SOD2: variants seen among roughly 807,000 people sequenced by gnomAD.
The protein encoded by SOD2 is superoxide dismutase 2.
In SOD2, 11 loss-of-function variants were observed where a neutral mutation model predicts 27.0. The observed-to-expected ratio is 0.41, with a 90% CI of 0.26 to 0.67. SOD2 has a LOEUF of 0.67. SOD2 is among the 30% of genes least tolerant of loss of function. The pLI is 0.34. For missense variants in SOD2, 250 were observed against 274.5 expected, an observed-to-expected ratio of 0.91 and a Z score of 0.63; for synonymous variants, 105 against 103.0, an observed-to-expected ratio of 1.02 and a Z score of -0.12.
At chr6:159,688,369 C>G in intron 2 of SOD2, 127 bp from the exon 3 acceptor site, 1 of 643,370 alleles carries the variant, frequency 1.6e-6, no homozygotes, top group Non-Finnish European at 2.7e-6. Flanking sequence ...TCCGTTTGTC[C>G]TAAAATTCAG....
At chr6:159,754,850 AAAAC>A (rs1779947016) in intron 1 of SOD2, among the ~76,000 whole-genome samples, 1 of 152,196 alleles carries the variant, frequency 6.6e-6, no homozygotes, top group African/African-American at 2.4e-5. Flanking sequence ...GACTTCCCCC[AAAAC>A]AAACTCAGTC....
chr6:159,716,408 A>G (rs1777922030), intron 1 of SOD2, among the ~76,000 whole-genome samples: 7 of 152,150 alleles, frequency 4.6e-5, no homozygotes, highest in Admixed American at 4.6e-4. Flanking sequence ...CTATAGGTGC[A>G]AGCAGCACAG....
At chr6:159,704,546 A>G (rs1777585592) in intron 1 of SOD2, among the ~76,000 whole-genome samples, 2 of 152,208 alleles carry the variant, frequency 1.3e-5, no homozygotes, top group African/African-American at 4.8e-5. Context: ...GCAGCCTGAG[A>G]TCGAACTCCA....
intron 1 of SOD2, among the ~76,000 whole-genome samples, chr6:159,724,807 G>A (rs1487483754): frequency 6.8e-6 from 1 of 147,982 alleles, no homozygotes. Flanking sequence ...AGCCATGATC[G>A]TACCACTGCA....
upstream of SOD2, chr6:159,693,390 T>G (rs1221399085): frequency 6.1e-6 from 1 of 163,268 alleles, no homozygotes; most frequent in Admixed American, 6.9e-5. Flanking sequence ...GTGCCCTGCG[T>G]GCCTGTCCCG....
chr6:159,697,638 C>T (rs549323935), upstream of SOD2, among the ~76,000 whole-genome samples: 31 of 152,302 alleles, frequency 2.0e-4, no homozygotes, highest in African/African-American at 6.5e-4. Context: ...GAGTTGATTA[C>T]GTCCATAAAG....
exon 1 of SOD2, chr6:159,762,266 G>C: frequency 1.5e-6 from 2 of 1,326,434 alleles, no homozygotes; most frequent in Non-Finnish European, 1.0e-6. Flanking sequence ...AAGCCGCGAG[G>C]AGCCGCGGGA....
At chr6:159,754,628 T>A (rs1779936869) in intron 1 of SOD2, among the ~76,000 whole-genome samples, 1 of 152,202 alleles carries the variant, frequency 6.6e-6, no homozygotes, top group Non-Finnish European at 1.5e-5. Flanking sequence ...ATCTTCCCCT[T>A]TGAGCCATCT....
intron 1 of SOD2, among the ~76,000 whole-genome samples, chr6:159,702,850 G>GAAA (rs35570449): frequency 3.3e-5 from 1 of 30,676 alleles, no homozygotes; most frequent in African/African-American, 1.1e-4. Flanking sequence ...ACCCTATCTC[G>GAAA]AAAAAAAAAA....
chr6:159,713,626 T>C, intron 1 of SOD2: 3 of 1,026,830 alleles, frequency 2.9e-6, no homozygotes, highest in Non-Finnish European at 4.6e-6. Context: ...AATCTCTTCC[T>C]TGGACAGCCA....
chr6:159,692,754 G>C lies in SOD2; in HGVS notation c.133C>G (p.Gln45Glu), dbSNP rs1405009060. 1 of 1,614,140 alleles carries C rather than the reference G, an allele frequency of 6.2e-7. No homozygotes were observed. The highest frequency in any genetic ancestry group is 8.5e-7 in the Non-Finnish European group (1 of 1,180,030). The stretch of plus-strand genomic sequence containing the variant: ...TTGCTGTGGTGCAGCTGCATGATCT[G>C]CGCGTTGATGTGAGGTTCCAGGGCG... The part of the protein sequence containing the change: ...YGALEPHINA[Q>E]IMQLHHSKHH... Residue 45 changes from glutamine to glutamate, a missense_variant, in exon 2 of 5, where the codon CAG becomes GAG. Coordinates refer to ENST00000538183, the MANE Select transcript of SOD2 (RefSeq NM_000636.4).
At chr6:159,688,905 T>C (rs1472745298) in intron 2 of SOD2, among the ~76,000 whole-genome samples, 1 of 151,464 alleles carries the variant, frequency 6.6e-6, no homozygotes, top group African/African-American at 2.4e-5. Context: ...AAGAAAAAAA[T>C]AAAACACAAG....
upstream of SOD2, among the ~76,000 whole-genome samples, chr6:159,697,382 T>C (rs1777442835): frequency 6.6e-6 from 1 of 152,124 alleles, no homozygotes; most frequent in African/African-American, 2.4e-5. Flanking sequence ...GTATTGTTAA[T>C]AGGACCAAAA....
At chr6:159,761,497 A>G (rs1011764549) in exon 1 of SOD2, 1 of 455,154 alleles carries the variant, frequency 2.2e-6, no homozygotes, top group Non-Finnish European at 4.4e-6. Context: ...CCCTCACGCG[A>G]GCGAATGACT....
intron 2 of SOD2, among the ~76,000 whole-genome samples, chr6:159,688,837 A>G (rs192025401): frequency 3.3e-5 from 5 of 152,268 alleles, no homozygotes; most frequent in African/African-American, 1.2e-4. Flanking sequence ...CCATTAGCAA[A>G]GCCAGCTCTA....
chr6:159,693,085 C>A, intron 1 of SOD2, 60 bp downstream of exon 1: 4 of 1,511,794 alleles, frequency 2.6e-6, no homozygotes, highest in Non-Finnish European at 8.8e-7. Context: ...GCCGCGGAGG[C>A]CCTGCCCGCC....
chr6:159,737,500 T>G (rs1778993319), intron 1 of SOD2, among the ~76,000 whole-genome samples: 1 of 152,160 alleles, frequency 6.6e-6, no homozygotes, highest in South Asian at 2.1e-4. Context: ...TTATTTTTAT[T>G]TTTTATTTTC....
rs970999245 is a variant in SOD2 at position 159,669,815 on chromosome 6, C to T, written c.*12678G>A. 5 of 152,094 alleles carry T rather than the reference C, an allele frequency of 3.3e-5. No individual in the cohort carries two copies. Among genetic ancestry groups the T allele is most frequent in the African/African-American group, 1.2e-4 (5 of 41,428 alleles). 9.4% of individuals were successfully genotyped at this position (152,094 alleles called of 1,614,324 possible). On this transcript the variant is annotated 3_prime_UTR_variant, in exon 5 of 5. Coordinates refer to ENST00000538183, the MANE Select transcript of SOD2 (RefSeq NM_000636.4). ...TCCATTTGTATGCAATATCTTTCTC[C>T]ATACCTTCACTTTTGGCCTGTCTTT...
In SOD2 at chr6:159,676,805, A is replaced by G. The variant is rs1170911701; in HGVS notation, c.*5688T>C. 2.0e-5 allele frequency: 3 copies of G among 152,188 alleles called. No individual in the cohort carries two copies. The highest frequency in any genetic ancestry group is 4.4e-5 in the Non-Finnish European group (3 of 68,034). 9.4% of individuals were successfully genotyped at this position (152,188 alleles called of 1,614,324 possible). ...TTGGCACCTTAAGATCCTCTTTCAC[A>G]GCAAAGGAGCAGGACTAAAACCAGG... On this transcript the variant is annotated 3_prime_UTR_variant, in exon 5 of 5. Transcript: ENST00000538183.
Sources: gnomAD v4.1 joint callset for allele counts (sites outside exome capture counted in the v4.1 genomes callset) on GRCh38, gnomAD v4.1.1 for gene constraint, MANE v1.5 for transcripts, NCBI Gene and HGNC (gene_info 2026-07-23, HGNC 2026-07-21) for gene names.